The following RFC3 variants were observed in gnomAD, a reference collection of about 807,000 sequenced individuals.
RFC3 encodes replication factor C subunit 3, also known as A1 38 kDa subunit.
Under a neutral mutation model 45.1 loss-of-function variants are expected in RFC3, and 41 were observed. That is an observed-to-expected ratio of 0.91 (90% CI 0.71 to 1.18). The LOEUF (loss-of-function observed/expected upper bound fraction) is 1.18. RFC3 is among the 50% of genes most tolerant of loss of function. The pLI is 0.00. For missense variants in RFC3, 423 were observed against 428.1 expected, an observed-to-expected ratio of 0.99 and a Z score of 0.10; for synonymous variants, 149 against 144.0, an observed-to-expected ratio of 1.03 and a Z score of -0.25.
intron 8 of RFC3, 49 bp downstream of exon 8, chr13:33,835,266 G>A (rs377335265): frequency 1.1e-5 from 13 of 1,207,638 alleles, no homozygotes; most frequent in Non-Finnish European, 9.9e-6. Flanking sequence ...AAATTTGGAC[G>A]CTGGGTGTGT....
chr13:33,966,174 A>G, exon 9 of RFC3: 3 of 1,453,962 alleles, frequency 2.1e-6, no homozygotes, highest in Non-Finnish European at 1.9e-6. Context: ...CTCATCTTTT[A>G]GCATGTGAAG....
chr13:33,938,686 G>T (rs1172745193), intron 8 of RFC3, among the ~76,000 whole-genome samples: 1 of 150,810 alleles, frequency 6.6e-6, no homozygotes, highest in Admixed American at 6.6e-5. Flanking sequence ...CTACATTTCA[G>T]TTTTTTTTTG....
chr13:33,838,774 A>G (rs1467148351), downstream of RFC3, among the ~76,000 whole-genome samples: 1 of 152,112 alleles, frequency 6.6e-6, no homozygotes, highest in Non-Finnish European at 1.5e-5. Context: ...GTACTGTTAC[A>G]CTTTTCCCTT....
chr13:33,897,044 CAA>C (rs1378602931), intron 8 of RFC3, among the ~76,000 whole-genome samples: 1 of 151,772 alleles, frequency 6.6e-6, no homozygotes, highest in African/African-American at 2.4e-5. Context: ...AAAAGGAAAA[CAA>C]AAATAAAATT....
At chr13:33,931,759 A>G (rs1368843962) in intron 8 of RFC3, among the ~76,000 whole-genome samples, 5 of 152,168 alleles carry the variant, frequency 3.3e-5, no homozygotes, top group Non-Finnish European at 7.4e-5. Flanking sequence ...CCTTTCCTCT[A>G]AGAGTCTCCT....
intron 8 of RFC3, among the ~76,000 whole-genome samples, chr13:33,863,243 T>C (rs1439056059): frequency 6.6e-6 from 1 of 150,940 alleles, no homozygotes; most frequent in Non-Finnish European, 1.5e-5. Context: ...AATGCACATA[T>C]GCAGATATGA....
At chr13:33,818,311 G>T (rs2081967118) in intron 1 of RFC3, 46 bp downstream of exon 1, 1 of 1,550,242 alleles carries the variant, frequency 6.5e-7, no homozygotes, top group Non-Finnish European at 8.9e-7. Context: ...AGGCCCCCCG[G>T]CTCGGGGTTT....
chr13:33,926,439 A>G (rs919533432), intron 8 of RFC3, among the ~76,000 whole-genome samples: 4 of 152,110 alleles, frequency 2.6e-5, no homozygotes, highest in Admixed American at 2.6e-4. Flanking sequence ...GGAAATCCAC[A>G]TTAAATTTGA....
At chr13:33,914,960 T>G (rs1009344254) in intron 8 of RFC3, among the ~76,000 whole-genome samples, 1 of 152,180 alleles carries the variant, frequency 6.6e-6, no homozygotes, top group African/African-American at 2.4e-5. Context: ...ACAACTCATT[T>G]TGATATTCTT....
rs2082100723 is a variant in RFC3, at chr13:33,831,239, C to G, written c.711-17C>G. The G allele has an allele frequency of 1.4e-6, 2 of 1,468,216 alleles. No individual in the cohort carries two copies. Among genetic ancestry groups the G allele is most frequent in the Non-Finnish European group, 1.9e-6 (2 of 1,047,688 alleles). 90.9% of individuals were successfully genotyped at this position (1,468,216 alleles called of 1,614,324 possible). ...ACACTTCTGTTTAACTTCTTGTGTT[C>G]TCTTTTTGTCATGTAGATATCCTTT... On this transcript the variant is annotated splice_polypyrimidine_tract_variant and intron_variant, in intron 6 of 8. Coordinates refer to ENST00000380071, the MANE Select transcript of RFC3 (RefSeq NM_002915.4).
intron 8 of RFC3, among the ~76,000 whole-genome samples, chr13:33,938,470 A>G (rs939674537): frequency 1.3e-5 from 2 of 152,066 alleles, no homozygotes; most frequent in Admixed American, 6.6e-5. Context: ...GCATATCATC[A>G]TTTCCCAGGG....
At chr13:33,843,759 G>A (rs373518872) in intron 8 of RFC3, among the ~76,000 whole-genome samples, 6 of 152,234 alleles carry the variant, frequency 3.9e-5, no homozygotes, top group Non-Finnish European at 8.8e-5. Context: ...ACCAAGAAAT[G>A]GGCTGTCAAC....
At chr13:33,827,664 C>T (rs1294895005) in intron 4 of RFC3, among the ~76,000 whole-genome samples, 1 of 152,138 alleles carries the variant, frequency 6.6e-6, no homozygotes, top group Non-Finnish European at 1.5e-5. Context: ...ATGAAGCTTA[C>T]TGTTACTTAA....
At chr13:33,833,861 G>A (rs1454600991) in intron 7 of RFC3, among the ~76,000 whole-genome samples, 1 of 152,090 alleles carries the variant, frequency 6.6e-6, no homozygotes, top group Non-Finnish European at 1.5e-5. Flanking sequence ...CTGAACTTCA[G>A]GTTTGTTTCA....
chr13:33,916,724 G>A (rs900426625), intron 8 of RFC3, among the ~76,000 whole-genome samples: 4 of 152,074 alleles, frequency 2.6e-5, no homozygotes, highest in African/African-American at 7.2e-5. Flanking sequence ...ATGTTTATAT[G>A]CATATACACA....
intron 8 of RFC3, among the ~76,000 whole-genome samples, chr13:33,889,742 C>A (rs182227203): frequency 2.0e-3 from 299 of 152,320 alleles, no homozygotes; most frequent in African/African-American, 6.9e-3. Context: ...CTCTGGTAAC[C>A]ACTATTCTAC....
chr13:33,835,929 A>G (rs1339422626), intron 8 of RFC3, among the ~76,000 whole-genome samples, 175 bp from the exon 9 acceptor site: 1 of 152,174 alleles, frequency 6.6e-6, no homozygotes, highest in African/African-American at 2.4e-5. Context: ...TGTCATGGAA[A>G]AAGTACCCAA....
At chr13:33,940,817 T>C (rs1449878884) in intron 8 of RFC3, among the ~76,000 whole-genome samples, 2 of 152,202 alleles carry the variant, frequency 1.3e-5, no homozygotes. Context: ...ACATTCTGCC[T>C]CTCACATTAT....
chr13:33,970,773 G>T (rs755798229), downstream of RFC3, among the ~76,000 whole-genome samples: 1 of 152,242 alleles, frequency 6.6e-6, no homozygotes, highest in Non-Finnish European at 1.5e-5. Context: ...CCTGCTGAGC[G>T]CATACACACC....
Sources: allele counts gnomAD v4.1 joint callset (sites outside exome capture counted in the v4.1 genomes callset), GRCh38; gene constraint gnomAD v4.1.1; transcripts MANE v1.5; gene names NCBI Gene and HGNC (gene_info 2026-07-23, HGNC 2026-07-21).